ZC3H12A: variants seen among roughly 807,000 people sequenced by gnomAD.
ZC3H12A encodes endoribonuclease ZC3H12A.
Under a neutral mutation model 29.9 loss-of-function variants are expected in ZC3H12A, and 9 were observed. The ratio of observed to expected loss-of-function variants is 0.30; its 90% CI spans 0.18 to 0.53. The LOEUF is 0.53. ZC3H12A is among the 20% of genes least tolerant of loss of function. The pLI, the probability that ZC3H12A is intolerant of heterozygous loss-of-function variation, is 0.96. For synonymous variants in ZC3H12A, 323 were observed against 338.1 expected (o/e 0.96, Z 0.49); for missense variants, 617 against 799.0 (o/e 0.77, Z 2.75).
At position 37,483,174 on chromosome 1, in the gene ZC3H12A, G is replaced by A. The variant is rs754586459; in HGVS notation, c.1363G>A (p.Gly455Arg). Residue 455 changes from glycine (G) to arginine (R), a missense_variant, in exon 6 of 6, where the codon GGA becomes AGA. Gly to Arg is a moderately radical substitution (Grantham distance 125). This residue lies in a region of ZC3H12A where 172 missense variants were observed against 203.1 expected (regional missense o/e 0.85). Transcript: ENST00000373087. ...SQMSELWGVR[G>R]GGPGEPGPPR... ...GATGTCGGAACTTTGGGGGGTTCGA[G>A]GAGGAGGCCCTGGTGAGCCGGGCCC... is the stretch of plus-strand genomic sequence containing the variant. 1 of 1,613,514 alleles carries A rather than the reference G, an allele frequency of 6.2e-7. No homozygotes were observed. Among genetic ancestry groups the A allele is most frequent in the Non-Finnish European group, 8.5e-7 (1 of 1,179,924 alleles).
chr1:37,475,619 G>A lies in ZC3H12A; in HGVS notation c.123G>A (p.Glu41=). The A allele has an allele frequency of 6.2e-7, 1 of 1,614,118 alleles. No individual in the cohort carries two copies. Among genetic ancestry groups the A allele is most frequent in the Non-Finnish European group, 8.5e-7 (1 of 1,180,046 alleles). The change falls in exon 2 of 6, where the codon GAG becomes GAA. Residue 41 remains glutamate (E), a synonymous_variant. Transcript: ENST00000373087. The surrounding 1 kb of genome is among the most constrained non-coding windows in gnomAD (Gnocchi z 5.2). ...TPRPGQELAA[E]EASALELQMK... ...GGCCGGGTCAAGAGCTGGCCGCTGAGGAGGCCTCGGCCCTGGAACTGCAGA... is the reference window on the plus strand; with the variant it reads ...GGCCGGGTCAAGAGCTGGCCGCTGAAGAGGCCTCGGCCCTGGAACTGCAGA...
chr1:37,482,316 CCA>C (rs1227307078), intron 4 of ZC3H12A, 116 bp from the exon 5 acceptor site: 6 of 882,472 alleles, frequency 6.8e-6, no homozygotes, highest in African/African-American at 1.7e-5. Flanking sequence ...TGGACAGGCC[CCA>C]GTTTTAGGTG....
chr1:37,479,721 G>C lies in ZC3H12A; in HGVS notation c.444-569G>C, dbSNP rs1276567327. On this transcript the variant is annotated intron_variant, in intron 2 of 5. Coordinates refer to ENST00000373087, the MANE Select transcript of ZC3H12A (RefSeq NM_025079.3). This position sits in a 1 kb window ranked among gnomAD's most constrained non-coding sequence, Gnocchi z 4.5. ...TCTCAGGCCCCAGTCCCTGAGGTGT[G>C]TGTGAGGACTGAACTTTAATCCGGA... The C allele has an allele frequency of 1.0e-6, 1 of 985,316 alleles. No homozygotes were observed. The highest frequency in any genetic ancestry group is 1.2e-6 in the Non-Finnish European group (1 of 829,936). 61.0% of individuals were successfully genotyped at this position (985,316 alleles called of 1,614,324 possible). A position where few individuals can be genotyped will look rare whatever the true frequency, so the allele number is the denominator to read the frequency against.
chr1:37,480,239 G>A, intron 2 of ZC3H12A, 51 bp from the exon 3 acceptor site: 3 of 1,586,702 alleles, frequency 1.9e-6, no homozygotes, highest in Non-Finnish European at 2.6e-6. Context: ...CAGGCCTAGG[G>A]GGTGGCAGGC....
In ZC3H12A at chr1:37,479,742, C is replaced by T; in HGVS notation, c.444-548C>T. 4.1e-6 allele frequency: 4 copies of T among 985,422 alleles called. No individual in the cohort carries two copies. In the South Asian group the frequency reaches 1.9e-4, roughly 46 times the overall value. 61.0% of individuals were successfully genotyped at this position (985,422 alleles called of 1,614,324 possible). A position where few individuals can be genotyped will look rare whatever the true frequency, so the allele number is the denominator to read the frequency against. On this transcript the variant is annotated intron_variant, in intron 2 of 5. Transcript: ENST00000373087. This position sits in a 1 kb window ranked among gnomAD's most constrained non-coding sequence, Gnocchi z 4.5. ...GTGTGTGTGAGGACTGAACTTTAAT[C>T]CGGAACAATCTGGTTTCTCCTCGGT...
chr1:37,478,776 G>A lies in ZC3H12A; in HGVS notation c.444-1514G>A. 1 of 925,168 alleles carries A rather than the reference G, an allele frequency of 1.1e-6. No homozygotes were observed. The highest frequency in any genetic ancestry group is 1.3e-6 in the Non-Finnish European group (1 of 774,950). 57.3% of individuals were successfully genotyped at this position (925,168 alleles called of 1,614,324 possible). A position where few individuals can be genotyped will look rare whatever the true frequency, so the allele number is the denominator to read the frequency against. On this transcript the variant is annotated intron_variant, in intron 2 of 5. Coordinates refer to ENST00000373087, the MANE Select transcript of ZC3H12A (RefSeq NM_025079.3). This position sits in a 1 kb window ranked among gnomAD's most constrained non-coding sequence, Gnocchi z 5.2. ...TGATGGTATAGTGCCCTCCTCACAA[G>A]CTTGCTGATGATTCAGTGTTAGACA...
rs1641588665 is a variant in ZC3H12A, at chr1:37,476,269, C to A, written c.443+330C>A. ...GGACCAGCCCGTGGGCAGCTGCTCA[C>A]TCACCCCTCGGAACCTGATCTCAGG... On this transcript the variant is annotated intron_variant, in intron 2 of 5. Transcript: ENST00000373087. The surrounding 1 kb of genome is among the most constrained non-coding windows in gnomAD (Gnocchi z 6.0). 6.6e-6 allele frequency among the ~76,000 whole-genome samples: 1 copy of A among 152,172 alleles called. No individual in the cohort carries two copies. The highest frequency in any genetic ancestry group is 2.4e-5 in the African/African-American group (1 of 41,430).
rs1641650972 is a variant in ZC3H12A at position 37,479,241 on chromosome 1, C to T, written c.444-1049C>T. On this transcript the variant is annotated intron_variant, in intron 2 of 5. Coordinates refer to ENST00000373087, the MANE Select transcript of ZC3H12A (RefSeq NM_025079.3). The surrounding 1 kb of genome is among the most constrained non-coding windows in gnomAD (Gnocchi z 4.5). Reference sequence around the variant, plus strand: ...TTACCTGGGAGCCCCAAGCCCCAGTCCCCCATCCCTCAGGAAATCCAGTTG... The same window carrying T: ...TTACCTGGGAGCCCCAAGCCCCAGTTCCCCATCCCTCAGGAAATCCAGTTG... 1.0e-6 allele frequency: 1 copy of T among 985,438 alleles called. No homozygotes were observed. The highest frequency in any genetic ancestry group is 1.2e-6 in the Non-Finnish European group (1 of 829,928). The allele number at this position is 985,438 out of a possible 1,614,324, so 61.0% of individuals were successfully genotyped here.
chr1:37,475,799 C>A lies in ZC3H12A; in HGVS notation c.303C>A (p.Asp101Glu), dbSNP rs1641576170. 1 of 1,612,180 alleles carries A rather than the reference C, an allele frequency of 6.2e-7. No individual in the cohort carries two copies. Among genetic ancestry groups the A allele is most frequent in the Admixed American group, 1.7e-5 (1 of 59,976 alleles). Residue 101 changes from aspartate to glutamate, a missense_variant, in exon 2 of 6, where the codon GAC becomes GAA. Asp to Glu is a conservative substitution (Grantham distance 45). This residue lies in a region of ZC3H12A where 255 missense variants were observed against 402.5 expected (regional missense o/e 0.63). Coordinates refer to ENST00000373087, the MANE Select transcript of ZC3H12A (RefSeq NM_025079.3). The surrounding 1 kb of genome is among the most constrained non-coding windows in gnomAD (Gnocchi z 5.2). ...AGCGGGAGCGCCAGACCTCACCGGA[C>A]CCCTGCCCTCAGCTCCCTCTAGTCC... ...ATERERQTSPDPCPQLPLVPR... is the reference protein window; with the variant it reads ...ATERERQTSPEPCPQLPLVPR...
In ZC3H12A at chr1:37,478,893, A is replaced by T. The variant is rs1641644173; in HGVS notation, c.444-1397A>T. ...TGTGGCAGAGGGACCGGGAAGGATGAGTGCTGCCCTGGGCTGGACTTTGTC... is the reference window on the plus strand; with the variant it reads ...TGTGGCAGAGGGACCGGGAAGGATGTGTGCTGCCCTGGGCTGGACTTTGTC... On this transcript the variant is annotated intron_variant, in intron 2 of 5. Transcript: ENST00000373087. This position sits in a 1 kb window ranked among gnomAD's most constrained non-coding sequence, Gnocchi z 5.2. 1.0e-6 allele frequency: 1 copy of T among 985,214 alleles called. No individual in the cohort carries two copies. The highest frequency in any genetic ancestry group is 6.2e-5 in the Admixed American group (1 of 16,246). 61.0% of individuals were successfully genotyped at this position (985,214 alleles called of 1,614,324 possible). A position where few individuals can be genotyped will look rare whatever the true frequency, so the allele number is the denominator to read the frequency against.
rs990877657 is a variant in ZC3H12A, at chr1:37,475,898, C to T, written c.402C>T (p.Asp134=). The stretch of plus-strand genomic sequence containing the variant: ...CAGAAGAGGAAAAGGAGGGCAGCGA[C>T]CTGAGACCAGTGGTCATCGATGGGA... ...PLPEEEKEGS[D]LRPVVIDGSN... Residue 134 remains aspartate (D), a synonymous_variant, in exon 2 of 6, where the codon GAC becomes GAT. Coordinates refer to ENST00000373087, the MANE Select transcript of ZC3H12A (RefSeq NM_025079.3). The surrounding 1 kb of genome is among the most constrained non-coding windows in gnomAD (Gnocchi z 5.2). 2 of 1,533,356 alleles carry T rather than the reference C, an allele frequency of 1.3e-6. No individual in the cohort carries two copies. Among genetic ancestry groups the T allele is most frequent in the African/African-American group, 2.8e-5 (2 of 72,556 alleles). The allele number at this position is 1,533,356 out of a possible 1,614,324, so 95.0% of individuals were successfully genotyped here.
chr1:37,481,479 C>T (rs1641700242), intron 3 of ZC3H12A, 122 bp from the exon 4 acceptor site: 1 of 899,752 alleles, frequency 1.1e-6, no homozygotes, highest in South Asian at 1.6e-5. Flanking sequence ...AGAGTTAGTT[C>T]TTGCCCCGGT....
Position 37,475,509 on chromosome 1 carries a change from T to G in ZC3H12A, c.13T>G (p.Cys5Gly). The change falls in exon 2 of 6, where the codon TGT becomes GGT. Residue 5 changes from cysteine (C) to glycine (G), a missense_variant. Around this residue, in one of 5 missense-constraint regions of ZC3H12A, gnomAD observed 67 missense variants for 56.2 expected, o/e 1.19. Transcript: ENST00000373087. The surrounding 1 kb of genome is among the most constrained non-coding windows in gnomAD (Gnocchi z 5.2). ...AGGAGTCTGAGCTATGAGTGGCCCC[T>G]GTGGAGAGAAGCCTGTCCTGGAAGC... is the stretch of plus-strand genomic sequence containing the variant. The part of the protein sequence containing the change: MSGP[C>G]GEKPVLEASP... The G allele has an allele frequency of 1.9e-6, 3 of 1,608,440 alleles. No individual in the cohort carries two copies. Among genetic ancestry groups the G allele is most frequent in the Non-Finnish European group, 2.5e-6 (3 of 1,177,350 alleles).
At position 37,481,589 on chromosome 1, in the gene ZC3H12A, G is replaced by A. The variant is rs775920883; in HGVS notation, c.584-12G>A. 60 of 1,613,770 alleles carry A rather than the reference G, an allele frequency of 3.7e-5. No homozygotes were observed. Among genetic ancestry groups the A allele is most frequent in the South Asian group, 2.9e-4 (26 of 91,066 alleles). ...GCTGGGCCCTGACCTGTGTGCACCC[G>A]TCACCTCCCAGACCAGCACATCCTG... On this transcript the variant is annotated splice_polypyrimidine_tract_variant and intron_variant, in intron 3 of 5. Coordinates refer to ENST00000373087, the MANE Select transcript of ZC3H12A (RefSeq NM_025079.3).
rs757107348 is a variant in ZC3H12A, at chr1:37,475,463, A to G, written c.-34A>G. 4.0e-5 allele frequency: 62 copies of G among 1,565,992 alleles called. 1 individual carries two copies. In the Admixed American group the frequency reaches 1.0e-3, roughly 26 times the overall value. On this transcript the variant is annotated 5_prime_UTR_variant, in exon 2 of 6. Coordinates refer to ENST00000373087, the MANE Select transcript of ZC3H12A (RefSeq NM_025079.3). The surrounding 1 kb of genome is among the most constrained non-coding windows in gnomAD (Gnocchi z 5.2). ...CTAACCCTGTTGGTTGTTCAGTAGG[A>G]GCTGTGGCGCGGGGCCTTCCAGGAG...
In ZC3H12A at chr1:37,478,737, A is replaced by G. The variant is rs892084791; in HGVS notation, c.444-1553A>G. ...GGACCACAGTTTTCATCTGAAAAAC[A>G]GGGAAGGAGTTGATGATGGTATAGT... On this transcript the variant is annotated intron_variant, in intron 2 of 5. Transcript: ENST00000373087. This position sits in a 1 kb window ranked among gnomAD's most constrained non-coding sequence, Gnocchi z 5.2. The G allele has an allele frequency of 3.2e-6, 2 of 625,630 alleles. No homozygotes were observed. The highest frequency in any genetic ancestry group is 4.0e-5 in the African/African-American group (2 of 50,348). 38.8% of individuals were successfully genotyped at this position (625,630 alleles called of 1,614,324 possible). A position where few individuals can be genotyped will look rare whatever the true frequency, so the allele number is the denominator to read the frequency against.
chr1:37,477,478 C>A (rs574621830), intron 2 of ZC3H12A, among the ~76,000 whole-genome samples: 2 of 152,120 alleles, frequency 1.3e-5, no homozygotes, highest in Non-Finnish European at 2.9e-5. Context: ...GGTTCCTGCC[C>A]GGCCACCCCC....
chr1:37,475,630 CCCT>C lies in ZC3H12A; in HGVS notation c.135_137del (p.Leu46del), dbSNP rs1470969271. The C allele has an allele frequency of 6.2e-7, 1 of 1,614,084 alleles. No homozygotes were observed. Among genetic ancestry groups the C allele is most frequent in the Admixed American group, 1.7e-5 (1 of 60,032 alleles). ...GAGCTGGCCGCTGAGGAGGCCTCGGCCCTGGAACTGCAGATGAAGGTGGACTTC... is the reference window on the plus strand; with the variant it reads ...GAGCTGGCCGCTGAGGAGGCCTCGGCGGAACTGCAGATGAAGGTGGACTTC... On this transcript the variant is annotated inframe_deletion, in exon 2 of 6. Transcript: ENST00000373087. This position sits in a 1 kb window ranked among gnomAD's most constrained non-coding sequence, Gnocchi z 5.2.
At chr1:37,480,239 G>T in intron 2 of ZC3H12A, 51 bp from the exon 3 acceptor site, 3 of 1,586,702 alleles carry the variant, frequency 1.9e-6, no homozygotes, top group Non-Finnish European at 1.7e-6. Context: ...CAGGCCTAGG[G>T]GGTGGCAGGC....
Sources: gnomAD v4.1 joint callset for allele counts (sites outside exome capture counted in the v4.1 genomes callset) on GRCh38, gnomAD v4.1.1 for gene constraint, gnomAD v4.1.1 regional missense constraint, Gnocchi (gnomAD v3.1) non-coding constraint, MANE v1.5 for transcripts, NCBI Gene and HGNC (gene_info 2026-07-23, HGNC 2026-07-21) for gene names.